ZFHX3: variants seen among roughly 807,000 people sequenced by gnomAD.
ZFHX3 encodes zinc finger homeobox protein 3.
ZFHX3 carries 42 observed loss-of-function variants against 279.1 expected under a neutral mutation model. That is an observed-to-expected ratio of 0.15 (90% CI 0.12 to 0.19). ZFHX3 has a LOEUF of 0.19. Among genes scored for constraint, ZFHX3 ranks in the 10% least tolerant of loss-of-function variants. ZFHX3 has a pLI of 1.00. For synonymous variants in ZFHX3, 2,293 were observed against 1,957.8 expected (o/e 1.17, Z -4.52); for missense variants, 4,981 against 4,754.0 (o/e 1.05, Z -1.40).
At chr16:73,536,779 C>T (rs1392907039) in intron 2 of ZFHX3, among the ~76,000 whole-genome samples, 2 of 152,110 alleles carry the variant, frequency 1.3e-5, no homozygotes, top group African/African-American at 4.8e-5. Context: ...CCGGATTTGT[C>T]AGAGGACTAT....
At chr16:73,637,120 T>A (rs1207655099) in intron 2 of ZFHX3, among the ~76,000 whole-genome samples, 1 of 152,054 alleles carries the variant, frequency 6.6e-6, no homozygotes, top group East Asian at 1.9e-4. Context: ...TTGTATAATT[T>A]AATGTGGCAT....
intron 3 of ZFHX3, among the ~76,000 whole-genome samples, chr16:73,358,874 G>C (rs901596004): frequency 6.6e-6 from 1 of 152,188 alleles, no homozygotes; most frequent in Non-Finnish European, 1.5e-5. Flanking sequence ...CTGGGATTCA[G>C]TTCTTCATCT....
At chr16:73,244,567 A>G (rs1162035277) in intron 5 of ZFHX3, among the ~76,000 whole-genome samples, 2 of 152,234 alleles carry the variant, frequency 1.3e-5, no homozygotes, top group Non-Finnish European at 2.9e-5. Context: ...GGAAATGCCA[A>G]AGGTGAAAAT....
At chr16:73,503,145 G>A (rs1213399303) in intron 2 of ZFHX3, among the ~76,000 whole-genome samples, 1 of 152,212 alleles carries the variant, frequency 6.6e-6, no homozygotes, top group Non-Finnish European at 1.5e-5. Flanking sequence ...ACGATCGGTG[G>A]CCTGTGGATA....
At chr16:73,683,187 T>C (rs146796696) in intron 1 of ZFHX3, among the ~76,000 whole-genome samples, 2 of 152,144 alleles carry the variant, frequency 1.3e-5, no homozygotes, top group African/African-American at 2.4e-5. Flanking sequence ...CCATCAGCGA[T>C]GTATATAATG....
intron 7 of ZFHX3, among the ~76,000 whole-genome samples, chr16:73,099,811 A>G (rs1966209728): frequency 6.6e-6 from 1 of 151,990 alleles, no homozygotes; most frequent in South Asian, 2.1e-4. Context: ...AAGCAGGAAC[A>G]GGCCAAATGT....
At chr16:72,836,177 A>G (rs1285453013) in intron 4 of ZFHX3, among the ~76,000 whole-genome samples, 1 of 152,106 alleles carries the variant, frequency 6.6e-6, no homozygotes, top group Non-Finnish European at 1.5e-5. Context: ...TTGTGGCTAC[A>G]CCGATGGAGG....
chr16:72,824,958 C>A (rs368588271), intron 5 of ZFHX3, among the ~76,000 whole-genome samples: 4 of 152,220 alleles, frequency 2.6e-5, no homozygotes, highest in Non-Finnish European at 4.4e-5. Flanking sequence ...GAACAAAGAA[C>A]CTTCCTGTAC....
At chr16:73,540,510 G>GA (rs1385551691) in intron 2 of ZFHX3, among the ~76,000 whole-genome samples, 1 of 152,086 alleles carries the variant, frequency 6.6e-6, no homozygotes, top group African/African-American at 2.4e-5. Flanking sequence ...CCTTAACAGA[G>GA]AAAAAAGATC....
At chr16:73,684,697 T>C (rs1436373023) in intron 1 of ZFHX3, among the ~76,000 whole-genome samples, 1 of 3,172 alleles carries the variant, frequency 3.2e-4, no homozygotes, top group Non-Finnish European at 2.8e-3. Context: ...CAAGGGTCCT[T>C]TTTTTTTTTT....
At chr16:73,099,538 C>G (rs1393223115) in intron 7 of ZFHX3, among the ~76,000 whole-genome samples, 3 of 151,888 alleles carry the variant, frequency 2.0e-5, no homozygotes, top group African/African-American at 7.3e-5. Flanking sequence ...TGGTGAAACC[C>G]TGTCTTTACT....
chr16:73,022,739 G>A (rs185459263), intron 1 of ZFHX3, among the ~76,000 whole-genome samples: 55 of 152,242 alleles, frequency 3.6e-4, no homozygotes, highest in Admixed American at 2.2e-3. Context: ...GAAACAGGAC[G>A]TGGTAGGGTA....
In ZFHX3 at chr16:73,247,255, ATGTG is replaced by A. The variant is rs1375975484; in HGVS notation, c.-1104+9788_-1104+9791del. On this transcript the variant is annotated intron_variant, in intron 5 of 17. Transcript: ENST00000641206. ...GTCTATGTACCTGTATGTGGAGTAC[ATGTG>A]TGTGTGTATACTGTGTATAAAATGT... Among the ~76,000 whole-genome samples the A allele has an allele frequency of 1.4e-5, 2 of 144,906 alleles. 1 individual carries two copies. Among genetic ancestry groups the A allele is most frequent in the Middle Eastern group, 6.5e-3 (2 of 308 alleles).
At chr16:73,593,607 G>C (rs2052020969) in intron 2 of ZFHX3, among the ~76,000 whole-genome samples, 1 of 151,266 alleles carries the variant, frequency 6.6e-6, no homozygotes, top group Non-Finnish European at 1.5e-5. Context: ...AGGGAAGGAA[G>C]GAAGGAAGGA....
At chr16:73,142,405 A>G (rs1966849849) in intron 6 of ZFHX3, among the ~76,000 whole-genome samples, 1 of 152,238 alleles carries the variant, frequency 6.6e-6, no homozygotes, top group Non-Finnish European at 1.5e-5. Context: ...CCCGCCGTAG[A>G]GAAGAACTGT....
At chr16:73,516,071 C>T (rs369417925) in intron 2 of ZFHX3, among the ~76,000 whole-genome samples, 5 of 152,320 alleles carry the variant, frequency 3.3e-5, no homozygotes, top group African/African-American at 1.2e-4. Flanking sequence ...AACTCTTCAC[C>T]ATCATCATTG....
At chr16:73,550,254 G>C (rs2020184152) in intron 2 of ZFHX3, among the ~76,000 whole-genome samples, 1 of 152,134 alleles carries the variant, frequency 6.6e-6, no homozygotes, top group Admixed American at 6.5e-5. Flanking sequence ...ATCATTCTGA[G>C]ACACCCTCAG....
chr16:72,953,521 T>C (rs982543034), intron 2 of ZFHX3, among the ~76,000 whole-genome samples: 1 of 152,352 alleles, frequency 6.6e-6, no homozygotes, highest in East Asian at 1.9e-4. Flanking sequence ...GAAATTCAGC[T>C]GTCACTTGCT....
At position 73,807,620 on chromosome 16, in the gene ZFHX3, A is replaced by ATTTTTTTTTTTTTTT. The variant is rs55806545; in HGVS notation, c.-1608+84016_-1608+84030dup. 1.1e-3 allele frequency among the ~76,000 whole-genome samples: 77 copies of ATTTTTTTTTTTTTTT among 70,574 alleles called. 5 individuals are homozygous for ATTTTTTTTTTTTTTT. The highest frequency in any genetic ancestry group is 4.2e-3 in the African/African-American group (76 of 18,268). 46.3% of individuals were successfully genotyped at this position (70,574 alleles called of 152,430 possible). ...TACAGGCACATTCCACCATGCCCCA[A>ATTTTTTTTTTTTTTT]TTTTTTTTTTTTTTTTTTTTTTTTT... On this transcript the variant is annotated intron_variant, in intron 1 of 17. Transcript: ENST00000641206.
Sources: gnomAD v4.1 joint callset for allele counts (sites outside exome capture counted in the v4.1 genomes callset) on GRCh38, gnomAD v4.1.1 for gene constraint, MANE v1.5 for transcripts, NCBI Gene and HGNC (gene_info 2026-07-23, HGNC 2026-07-21) for gene names.